VEPH1: variants seen among roughly 807,000 people sequenced by gnomAD.
The protein encoded by VEPH1 is ventricular zone expressed PH domain containing 1, also known as ventricular zone-expressed PH domain-containing protein homolog 1.
In VEPH1, 80 loss-of-function variants were observed where a neutral mutation model predicts 85.2. That is an observed-to-expected ratio of 0.94 (90% confidence interval 0.78 to 1.13). The LOEUF (loss-of-function observed/expected upper bound fraction) is 1.13. VEPH1 is among the 50% of genes most tolerant of loss of function. The pLI, the probability that VEPH1 is intolerant of heterozygous loss-of-function variation, is 0.00. For synonymous variants in VEPH1, 297 were observed against 348.0 expected (o/e 0.85, Z 1.63); for missense variants, 955 against 980.5 (o/e 0.97, Z 0.35).
chr3:157,439,553 G>T (rs1733948041), intron 4 of VEPH1, among the ~76,000 whole-genome samples: 1 of 152,020 alleles, frequency 6.6e-6, no homozygotes, highest in African/African-American at 2.4e-5. Context: ...GGTATCCCTG[G>T]TCCCCAAAAG....
intron 4 of VEPH1, among the ~76,000 whole-genome samples, chr3:157,449,313 A>G (rs1265186499): frequency 1.3e-5 from 2 of 152,152 alleles, no homozygotes. Context: ...GATTTTTAAA[A>G]TTTTACTAAA....
chr3:157,348,657 A>G (rs1021996488), intron 9 of VEPH1, among the ~76,000 whole-genome samples: 1 of 152,264 alleles, frequency 6.6e-6, no homozygotes, highest in African/African-American at 2.4e-5. Context: ...GATCCAATCC[A>G]TAAAAGGAAG....
At chr3:157,398,287 T>C (rs1224201474) in intron 6 of VEPH1, among the ~76,000 whole-genome samples, 1 of 152,138 alleles carries the variant, frequency 6.6e-6, no homozygotes, top group Non-Finnish European at 1.5e-5. Flanking sequence ...TGGTGATCTG[T>C]AGTCAAATAT....
At chr3:157,355,597 A>G (rs1224029245) in intron 9 of VEPH1, among the ~76,000 whole-genome samples, 1 of 152,208 alleles carries the variant, frequency 6.6e-6, no homozygotes, top group African/African-American at 2.4e-5. Flanking sequence ...GTCACCTGTC[A>G]TTGTCCCTAG....
intron 6 of VEPH1, among the ~76,000 whole-genome samples, chr3:157,386,053 A>G (rs530788252): frequency 1.5e-4 from 23 of 152,268 alleles, no homozygotes; most frequent in Middle Eastern, 3.4e-3. Flanking sequence ...TCACAGTGGC[A>G]GATAATAGAT....
At position 157,493,137 on chromosome 3, in the gene VEPH1, C is replaced by A. The variant is rs77365838; in HGVS notation, c.138+2075G>T. On this transcript the variant is annotated intron_variant, in intron 2 of 13. Transcript: ENST00000362010. ...CAAGGTTTTATGCAATGGAAAGGGA[C>A]AATTTACCAAAGGAAAATTGAGAAG... 1.2e-5 allele frequency: 5 copies of A among 419,884 alleles called. No individual in the cohort carries two copies. In the East Asian group the frequency reaches 2.9e-4, roughly 24 times the overall value. 26.0% of individuals were successfully genotyped at this position (419,884 alleles called of 1,614,324 possible).
rs547366366 is a variant in VEPH1 at position 157,303,922 on chromosome 3, C to T, written c.2010+9699G>A. ...TCTAGCTTGCCCTGAAAGGAAGGTT[C>T]TCTTGAACATATATTCATACGGCTC... On this transcript the variant is annotated intron_variant, in intron 11 of 13. Transcript: ENST00000362010. Among the ~76,000 whole-genome samples, 13 of 151,278 alleles carry T rather than the reference C, an allele frequency of 8.6e-5. 1 individual carries two copies. In the South Asian group the frequency reaches 2.7e-3, roughly 32 times the overall value.
At chr3:157,398,431 C>G (rs1020824634) in intron 6 of VEPH1, among the ~76,000 whole-genome samples, 1 of 151,574 alleles carries the variant, frequency 6.6e-6, no homozygotes, top group African/African-American at 2.4e-5. Flanking sequence ...GTCAGGAGAT[C>G]GAGACTATCC....
At chr3:157,437,344 C>A (rs1733680340) in intron 4 of VEPH1, among the ~76,000 whole-genome samples, 2 of 152,200 alleles carry the variant, frequency 1.3e-5, no homozygotes, top group African/African-American at 4.8e-5. Flanking sequence ...TGAATGATTT[C>A]TGTCGTTTCT....
At chr3:157,362,279 C>T in intron 9 of VEPH1, among the ~76,000 whole-genome samples, 1 of 152,206 alleles carries the variant, frequency 6.6e-6, no homozygotes, top group East Asian at 1.9e-4. Flanking sequence ...GATCCACCTG[C>T]CTCAGCCTCC....
intron 7 of VEPH1, among the ~76,000 whole-genome samples, chr3:157,367,738 T>C (rs1162405076): frequency 6.6e-6 from 1 of 152,194 alleles, no homozygotes; most frequent in African/African-American, 2.4e-5. Context: ...CTCAAACATC[T>C]GGGCCCTAGC....
At chr3:157,316,979 C>A in intron 10 of VEPH1, 83 bp downstream of exon 10, 1 of 1,429,978 alleles carries the variant, frequency 7.0e-7, no homozygotes, top group Non-Finnish European at 9.3e-7. Flanking sequence ...CAACTCTGGC[C>A]AAAGAATAAT....
At chr3:157,268,812 A>AT (rs1156950073) in intron 12 of VEPH1, among the ~76,000 whole-genome samples, 1 of 152,084 alleles carries the variant, frequency 6.6e-6, no homozygotes, top group East Asian at 1.9e-4. Flanking sequence ...CAGTGGTGAG[A>AT]TTTTGGCTCA....
chr3:157,295,691 A>G (rs890224061), intron 11 of VEPH1, among the ~76,000 whole-genome samples: 1 of 152,208 alleles, frequency 6.6e-6, no homozygotes, highest in Non-Finnish European at 1.5e-5. Context: ...ACAGTGGCTC[A>G]TGCCTGTAAT....
intron 4 of VEPH1, among the ~76,000 whole-genome samples, chr3:157,447,863 G>A (rs1442663863): frequency 1.3e-5 from 2 of 152,024 alleles, no homozygotes; most frequent in Non-Finnish European, 2.9e-5. Flanking sequence ...CCAAAGTGCT[G>A]GAATTACAGG....
At chr3:157,399,939 CTTTT>C (rs944295377) in intron 6 of VEPH1, among the ~76,000 whole-genome samples, 1 of 151,918 alleles carries the variant, frequency 6.6e-6, no homozygotes, top group African/African-American at 2.4e-5. Context: ...TCAATTCTTT[CTTTT>C]ATTTTTTGAT....
At chr3:157,380,729 A>G (rs1728665266) in intron 7 of VEPH1, among the ~76,000 whole-genome samples, 1 of 152,138 alleles carries the variant, frequency 6.6e-6, no homozygotes, top group African/African-American at 2.4e-5. Context: ...CTATTCTCCC[A>G]TTATGCACTT....
intron 11 of VEPH1, among the ~76,000 whole-genome samples, chr3:157,309,554 G>A (rs748634090): frequency 1.3e-5 from 2 of 152,110 alleles, no homozygotes; most frequent in African/African-American, 2.4e-5. Flanking sequence ...TGTTAGTAAA[G>A]TGATTGTTGG....
At chr3:157,285,131 CTCTG>C (rs1442303734) in intron 12 of VEPH1, 7 of 152,192 alleles carry the variant, frequency 4.6e-5, no homozygotes, top group African/African-American at 1.7e-4. Flanking sequence ...TTCTTTTATG[CTCTG>C]TCTTTTTCAT....
Sources: allele counts gnomAD v4.1 joint callset (sites outside exome capture counted in the v4.1 genomes callset), GRCh38; gene constraint gnomAD v4.1.1; transcripts MANE v1.5; gene names NCBI Gene and HGNC (gene_info 2026-07-23, HGNC 2026-07-21).